The following VKORC1L1 variants were observed in gnomAD, a reference collection of about 807,000 sequenced individuals.
VKORC1L1 encodes vitamin K epoxide reductase complex subunit 1L1, also known as vitamin K epoxide reductase complex subunit 1-like protein 1.
In VKORC1L1, 2 loss-of-function variants were observed where a neutral mutation model predicts 18.9. The ratio of observed to expected loss-of-function variants is 0.11; its 90% CI spans 0.04 to 0.33. VKORC1L1 has a LOEUF of 0.33. Among genes scored for constraint, VKORC1L1 ranks in the 10% least tolerant of loss-of-function variants. The pLI, the probability that VKORC1L1 is intolerant of heterozygous loss-of-function variation, is 1.00. For synonymous variants in VKORC1L1, 96 were observed against 100.0 expected (o/e 0.96, Z 0.24); for missense variants, 123 against 224.1 (o/e 0.55, Z 2.88).
intron 1 of VKORC1L1, among the ~76,000 whole-genome samples, chr7:65,899,892 C>T (rs1422741746): frequency 6.6e-6 from 1 of 151,508 alleles, no homozygotes; most frequent in South Asian, 2.1e-4. Context: ...CCCAGCTACT[C>T]GGGAGGCTGA....
chr7:65,888,941 CCTG>C (rs1410168613), intron 1 of VKORC1L1, among the ~76,000 whole-genome samples: 1 of 152,138 alleles, frequency 6.6e-6, no homozygotes, highest in Admixed American at 6.6e-5. Flanking sequence ...TAAAAACTGG[CCTG>C]CTGAGTAGTA....
upstream of VKORC1L1, among the ~76,000 whole-genome samples, chr7:65,871,565 G>T (rs1262120854): frequency 2.6e-5 from 4 of 152,052 alleles, no homozygotes; most frequent in Non-Finnish European, 5.9e-5. Context: ...CTGGGATTAG[G>T]TTTCAAAAAA....
intron 1 of VKORC1L1, among the ~76,000 whole-genome samples, chr7:65,898,678 T>C (rs1237679138): frequency 6.6e-6 from 1 of 152,220 alleles, no homozygotes; most frequent in Non-Finnish European, 1.5e-5. Flanking sequence ...TTAACATTTT[T>C]TAAAATTTTT....
At chr7:65,866,404 G>T in the VKORC1L1 span, among the ~76,000 whole-genome samples, 1 of 152,196 alleles carries the variant, frequency 6.6e-6, no homozygotes, top group African/African-American at 2.4e-5. Flanking sequence ...AATGTGGCAT[G>T]CAGGGAGATC....
intron 1 of VKORC1L1, among the ~76,000 whole-genome samples, chr7:65,902,245 G>A (rs1789331004): frequency 6.6e-6 from 1 of 152,138 alleles, no homozygotes; most frequent in African/African-American, 2.4e-5. Context: ...CATGAAAACA[G>A]CAATTACAAA....
chr7:65,939,140 A>G (rs2115694996), intron 1 of VKORC1L1, among the ~76,000 whole-genome samples: 1 of 152,364 alleles, frequency 6.6e-6, no homozygotes. Context: ...TGAAATCACA[A>G]CTGACTGAGG....
intron 1 of VKORC1L1, among the ~76,000 whole-genome samples, chr7:65,915,155 G>A (rs374626180): frequency 1.0e-4 from 15 of 143,746 alleles, no homozygotes; most frequent in African/African-American, 1.6e-4. Context: ...GCAGTGGCTC[G>A]ATCTCGGCTC....
chr7:65,895,477 AAAAATATATATATATATATAT>A (rs1172944477), intron 1 of VKORC1L1, among the ~76,000 whole-genome samples: 9 of 38,084 alleles, frequency 2.4e-4, no homozygotes, highest in East Asian at 2.0e-3. Flanking sequence ...AAAAAAAAAA[AAAAATATATATATATATATAT>A]ATATATATAT....
At chr7:65,919,812 C>G (rs1789646664) in intron 1 of VKORC1L1, among the ~76,000 whole-genome samples, 1 of 152,156 alleles carries the variant, frequency 6.6e-6, no homozygotes, top group Admixed American at 6.5e-5. Context: ...AATCCCAGCA[C>G]TTTGGGAAGT....
In VKORC1L1 at chr7:65,909,737, T is replaced by TGTGTGA. The variant is rs1491345250; in HGVS notation, c.194+36173_194+36174insTGTGAG. On this transcript the variant is annotated intron_variant, in intron 1 of 2. Coordinates refer to ENST00000360768, the MANE Select transcript of VKORC1L1 (RefSeq NM_173517.6). ...GTGTGTGTGTGTGTGTGTGTGTGTG[T>TGTGTGA]GACGGAGGCTTGCTCTGTCGCCCAG... Among the ~76,000 whole-genome samples the TGTGTGA allele has an allele frequency of 3.3e-3, 486 of 145,258 alleles. 3 individuals are homozygous for TGTGTGA. Among genetic ancestry groups the TGTGTGA allele is most frequent in the Admixed American group, 0.013 (194 of 14,524 alleles).
intron 1 of VKORC1L1, among the ~76,000 whole-genome samples, chr7:65,942,248 G>A (rs192948181): frequency 6.6e-6 from 1 of 151,956 alleles, no homozygotes; most frequent in Non-Finnish European, 1.5e-5. Flanking sequence ...AGCACTTTGG[G>A]AGGCTGAGAC....
intron 1 of VKORC1L1, among the ~76,000 whole-genome samples, chr7:65,907,980 T>TG (rs1402030761): frequency 6.6e-6 from 1 of 152,178 alleles, no homozygotes; most frequent in Admixed American, 6.5e-5. Context: ...GATTACTTAC[T>TG]GGGAAAACAA....
chr7:65,866,199 A>G, the VKORC1L1 span, among the ~76,000 whole-genome samples: 1 of 152,324 alleles, frequency 6.6e-6, no homozygotes, highest in African/African-American at 2.4e-5. Context: ...GTTTTAGAAT[A>G]AACAGAAGTA....
intron 1 of VKORC1L1, among the ~76,000 whole-genome samples, chr7:65,924,733 G>A (rs552073187): frequency 3.3e-5 from 5 of 152,052 alleles, no homozygotes; most frequent in Non-Finnish European, 7.4e-5. Context: ...CTTCAAATTG[G>A]GTGAAAATCT....
intron 1 of VKORC1L1, among the ~76,000 whole-genome samples, chr7:65,894,810 GC>G (rs1190378007): frequency 6.6e-6 from 1 of 152,064 alleles, no homozygotes; most frequent in Non-Finnish European, 1.5e-5. Context: ...CTTTGGGAGG[GC>G]AAGGCAGGAG....
At chr7:65,935,053 CAAA>C (rs551047338) in intron 1 of VKORC1L1, among the ~76,000 whole-genome samples, 7 of 58,420 alleles carry the variant, frequency 1.2e-4, no homozygotes, top group Admixed American at 1.9e-4. Flanking sequence ...GATTACATCT[CAAA>C]AAAAAAAAAA....
At chr7:65,921,578 A>G (rs1789676157) in intron 1 of VKORC1L1, among the ~76,000 whole-genome samples, 1 of 152,120 alleles carries the variant, frequency 6.6e-6, no homozygotes, top group Non-Finnish European at 1.5e-5. Context: ...GCCGGGCACG[A>G]TGGCTCACGC....
At chr7:65,882,549 G>A (rs1788946006) in intron 1 of VKORC1L1, among the ~76,000 whole-genome samples, 1 of 151,986 alleles carries the variant, frequency 6.6e-6, no homozygotes, top group African/African-American at 2.4e-5. Flanking sequence ...GTATAGAAAT[G>A]AAACTTTTAA....
At chr7:65,934,999 A>T (rs1484203376) in intron 1 of VKORC1L1, among the ~76,000 whole-genome samples, 1 of 146,206 alleles carries the variant, frequency 6.8e-6, no homozygotes, top group Non-Finnish European at 1.5e-5. Flanking sequence ...TGTTGCAGTG[A>T]GTGGAGATCG....
Sources: gnomAD v4.1 joint callset for allele counts (sites outside exome capture counted in the v4.1 genomes callset) on GRCh38, gnomAD v4.1.1 for gene constraint, MANE v1.5 for transcripts, NCBI Gene and HGNC (gene_info 2026-07-23, HGNC 2026-07-21) for gene names.